Variants in TENT2 observed in about 807,000 individuals in gnomAD.
TENT2 encodes the protein poly(A) RNA polymerase GLD2.
A neutral mutation model predicts 72.2 loss-of-function variants in TENT2; 44 were observed. That is an observed-to-expected ratio of 0.61 (90% confidence interval 0.48 to 0.78). TENT2 has a LOEUF of 0.78. Among genes scored for constraint, TENT2 ranks in the 30% least tolerant of loss-of-function variants. TENT2 has a pLI of 0.00. For missense variants in TENT2, 541 were observed against 569.6 expected, an observed-to-expected ratio of 0.95 and a Z score of 0.51; for synonymous variants, 212 against 192.5, an observed-to-expected ratio of 1.10 and a Z score of -0.84.
rs1356392587 is a variant in TENT2, at chr5:79,686,277, T to G, written c.*1004T>G. Reference sequence around the variant, plus strand: ...TTATTATAAATAAAAGCTTAATGTTTGTAAAAAATCTCTTTTTTAGTATTT... The same window carrying G: ...TTATTATAAATAAAAGCTTAATGTTGGTAAAAAATCTCTTTTTTAGTATTT... On this transcript the variant is annotated 3_prime_UTR_variant, in exon 15 of 15. Coordinates refer to ENST00000453514, the MANE Select transcript of TENT2 (RefSeq NM_001114394.3). 1 of 152,440 alleles carries G rather than the reference T, an allele frequency of 6.6e-6. No homozygotes were observed. The highest frequency in any genetic ancestry group is 1.5e-5 in the Non-Finnish European group (1 of 67,996). The allele number at this position is 152,440 out of a possible 1,614,324, so 9.4% of individuals were successfully genotyped here.
At chr5:79,663,745 C>T (rs1227545960) in intron 11 of TENT2, among the ~76,000 whole-genome samples, 2 of 152,100 alleles carry the variant, frequency 1.3e-5, no homozygotes. Context: ...ATGAGAATTA[C>T]CAGAGTGGAA....
At chr5:79,635,932 G>A (rs1042869816) in intron 4 of TENT2, among the ~76,000 whole-genome samples, 5 of 152,202 alleles carry the variant, frequency 3.3e-5, no homozygotes, top group African/African-American at 1.2e-4. Context: ...TGATCTGCCT[G>A]ATTCTCTACA....
chr5:79,665,878 A>G (rs895037737), intron 11 of TENT2, among the ~76,000 whole-genome samples: 1 of 151,634 alleles, frequency 6.6e-6, no homozygotes, highest in African/African-American at 2.4e-5. Flanking sequence ...CTAAAATATT[A>G]GTTTAAGTTC....
intron 11 of TENT2, among the ~76,000 whole-genome samples, chr5:79,660,575 T>TA (rs928882322): frequency 5.9e-5 from 9 of 152,294 alleles, no homozygotes; most frequent in African/African-American, 2.2e-4. Flanking sequence ...AGTTAAATGT[T>TA]AAAAAACACC....
In TENT2 at chr5:79,612,731, T is replaced by C. The variant is rs186297976; in HGVS notation, c.-382T>C. On this transcript the variant is annotated 5_prime_UTR_variant, in exon 1 of 15. Transcript: ENST00000453514. ...GGCCTTAGAACTTCTGAACGGGCAG[T>C]GCGGGTAGGCCCTGCTTAGCCCTTC... 6.5e-6 allele frequency: 1 copy of C among 152,740 alleles called. No individual in the cohort carries two copies. The highest frequency in any genetic ancestry group is 1.9e-4 in the East Asian group (1 of 5,180). The allele number at this position is 152,740 out of a possible 1,614,324, so 9.5% of individuals were successfully genotyped here.
chr5:79,657,903 GATTA>G (rs1799074803), intron 11 of TENT2, among the ~76,000 whole-genome samples: 1 of 152,136 alleles, frequency 6.6e-6, no homozygotes, highest in Admixed American at 6.5e-5. Context: ...CAGCTTAGAT[GATTA>G]ATTTTCAAAA....
intron 6 of TENT2, 46 bp from the exon 7 acceptor site, chr5:79,642,786 A>T: frequency 6.9e-7 from 1 of 1,458,520 alleles, no homozygotes; most frequent in Non-Finnish European, 9.4e-7. Context: ...ATGAAACATT[A>T]AACTTAGAAA....
chr5:79,661,127 TTAAAA>T (rs1363214122), intron 11 of TENT2, among the ~76,000 whole-genome samples: 1 of 152,190 alleles, frequency 6.6e-6, no homozygotes, highest in Non-Finnish European at 1.5e-5. Flanking sequence ...TAAAAAGTTT[TTAAAA>T]TAAAGTAAGC....
At chr5:79,669,523 A>T (rs750799593) in intron 12 of TENT2, among the ~76,000 whole-genome samples, 9 of 152,118 alleles carry the variant, frequency 5.9e-5, no homozygotes, top group Non-Finnish European at 1.2e-4. Context: ...TAAACATAAA[A>T]CAAAGAATGT....
At chr5:79,664,530 G>A (rs1387411843) in intron 11 of TENT2, among the ~76,000 whole-genome samples, 1 of 151,456 alleles carries the variant, frequency 6.6e-6, no homozygotes, top group African/African-American at 2.4e-5. Flanking sequence ...AGGAGGCGGA[G>A]GTTGCAGTAA....
chr5:79,668,948 T>C lies in TENT2; in HGVS notation c.1128T>C (p.Val376=). 6.2e-7 allele frequency: 1 copy of C among 1,613,812 alleles called. No homozygotes were observed. The highest frequency in any genetic ancestry group is 8.5e-7 in the Non-Finnish European group (1 of 1,179,792). ...TTGTACATCAAGCTCCATGTAATGT[T>C]CCTCCTTACCTCTCAAAGAATGAAT... ...LHLVHQAPCN[V]PPYLSKNESN... The change falls in exon 12 of 15, where the codon GTT becomes GTC. Residue 376 remains valine (V), a synonymous_variant. Transcript: ENST00000453514.
At chr5:79,657,108 A>C in intron 11 of TENT2, 107 bp downstream of exon 11, 3 of 705,704 alleles carry the variant, frequency 4.3e-6, no homozygotes, top group Middle Eastern at 3.7e-4. Context: ...TAAGTACATG[A>C]TAACATTTTC....
chr5:79,620,339 T>A (rs1763749444), intron 3 of TENT2, among the ~76,000 whole-genome samples: 2 of 152,198 alleles, frequency 1.3e-5, no homozygotes, highest in Non-Finnish European at 2.9e-5. Context: ...ATATCCCAGG[T>A]TTTCTTTTTC....
intron 12 of TENT2, among the ~76,000 whole-genome samples, chr5:79,677,220 T>C (rs1817962042): frequency 6.6e-6 from 1 of 152,232 alleles, no homozygotes; most frequent in Non-Finnish European, 1.5e-5. Context: ...ATTCAAAATA[T>C]TCTTTTTTCT....
chr5:79,683,923 CAAAAAAAAAAAAAAAA>C (rs761567083), intron 14 of TENT2, among the ~76,000 whole-genome samples: 6 of 41,560 alleles, frequency 1.4e-4, no homozygotes, highest in Admixed American at 3.5e-4. Flanking sequence ...GACTCCGTCT[CAAAAAAAAAAAAAAAA>C]AAAAAAAAAA....
intron 7 of TENT2, chr5:79,644,517 TTATTA>T (rs1295485121): frequency 8.5e-5 from 13 of 152,196 alleles, no homozygotes; most frequent in Non-Finnish European, 1.9e-4. Flanking sequence ...TATGTACATT[TTATTA>T]TATGTTGTAT....
chr5:79,616,913 G>C (rs981885610), intron 1 of TENT2, among the ~76,000 whole-genome samples: 2 of 152,086 alleles, frequency 1.3e-5, no homozygotes, highest in Non-Finnish European at 2.9e-5. Context: ...GGTGAGCCTT[G>C]TTATCTGTGG....
intron 7 of TENT2, 85 bp downstream of exon 7, chr5:79,642,995 G>C: frequency 6.6e-7 from 1 of 1,511,138 alleles, no homozygotes; most frequent in Non-Finnish European, 8.9e-7. Flanking sequence ...GGTAAGAACT[G>C]TTTATTCTGG....
intron 4 of TENT2, among the ~76,000 whole-genome samples, chr5:79,631,707 T>G (rs956534564): frequency 2.0e-5 from 3 of 152,116 alleles, no homozygotes; most frequent in African/African-American, 7.2e-5. Flanking sequence ...TGGGAGAAAC[T>G]CTGGTCACAA....
Sources: allele counts gnomAD v4.1 joint callset (sites outside exome capture counted in the v4.1 genomes callset), GRCh38; gene constraint gnomAD v4.1.1; transcripts MANE v1.5; gene names NCBI Gene and HGNC (gene_info 2026-07-23, HGNC 2026-07-21).